The following CHCHD3 variants were observed in gnomAD, a reference collection of about 807,000 sequenced individuals.
CHCHD3 encodes the protein MICOS complex subunit MIC19.
A neutral mutation model predicts 38.2 loss-of-function variants in CHCHD3; 20 were observed. The ratio of observed to expected loss-of-function variants is 0.52; its 90% CI spans 0.37 to 0.76. CHCHD3 has a LOEUF of 0.76. Among genes scored for constraint, CHCHD3 ranks in the 30% least tolerant of loss-of-function variants. The pLI, the probability that CHCHD3 is intolerant of heterozygous loss-of-function variation, is 0.00. For missense variants in CHCHD3, 245 were observed against 279.2 expected, an observed-to-expected ratio of 0.88 and a Z score of 0.87; for synonymous variants, 82 against 100.0, an observed-to-expected ratio of 0.82 and a Z score of 1.07.
At chr7:133,008,553 A>G (rs1812768581) in intron 3 of CHCHD3, among the ~76,000 whole-genome samples, 1 of 152,232 alleles carries the variant, frequency 6.6e-6, no homozygotes, top group South Asian at 2.1e-4. Flanking sequence ...AACATCTCAA[A>G]GTCTTACAAT....
intron 3 of CHCHD3, among the ~76,000 whole-genome samples, chr7:133,015,126 G>A (rs896034208): frequency 2.6e-5 from 4 of 152,206 alleles, no homozygotes; most frequent in Non-Finnish European, 4.4e-5. Flanking sequence ...TGGATCACTC[G>A]AGGTCAGGAG....
intron 6 of CHCHD3, among the ~76,000 whole-genome samples, chr7:132,816,868 A>C (rs1163146408): frequency 1.3e-5 from 2 of 152,242 alleles, no homozygotes; most frequent in African/African-American, 4.8e-5. Context: ...CATTTGCACA[A>C]AGGATTTCCC....
At chr7:133,075,513 A>G (rs1814959442) in intron 1 of CHCHD3, among the ~76,000 whole-genome samples, 2 of 152,138 alleles carry the variant, frequency 1.3e-5, no homozygotes, top group Admixed American at 1.3e-4. Context: ...TTGTGTTATC[A>G]TCTGTATCCA....
rs560168815 is a variant in CHCHD3 at position 132,938,738 on chromosome 7, C to A, written c.369+36431G>T. On this transcript the variant is annotated intron_variant, in intron 4 of 7. Transcript: ENST00000262570. ...TTAAACCTGCAGTGTGTCCCCGACA[C>A]CGGCAACAAGCAAACAGGAAAGGAG... is the stretch of plus-strand genomic sequence containing the variant. Among the ~76,000 whole-genome samples the A allele has an allele frequency of 1.5e-4, 23 of 152,232 alleles. 1 individual carries two copies. Among genetic ancestry groups the A allele is most frequent in the African/African-American group, 5.5e-4 (23 of 41,540 alleles).
intron 2 of CHCHD3, among the ~76,000 whole-genome samples, chr7:133,034,318 G>C (rs1703180949): frequency 6.6e-6 from 1 of 151,988 alleles, no homozygotes; most frequent in African/African-American, 2.4e-5. Context: ...AAGGAAGTGA[G>C]GGTATAATAA....
chr7:132,810,355 A>C (rs1038430009), intron 6 of CHCHD3, among the ~76,000 whole-genome samples: 4 of 152,218 alleles, frequency 2.6e-5, no homozygotes, highest in Non-Finnish European at 5.9e-5. Flanking sequence ...GTAACTCTGT[A>C]ATTTGAAAAT....
rs1369420974 is a variant in CHCHD3 at position 132,821,837 on chromosome 7, A to G, written c.524+16562T>C. On this transcript the variant is annotated intron_variant, in intron 6 of 7. Transcript: ENST00000262570. ...GACTGCAGTGGCGCAATCTCGGCTC[A>G]CTGCAAGCTCCGCTTCCCGGGTTCA... 3.6e-5 allele frequency among the ~76,000 whole-genome samples: 5 copies of G among 137,322 alleles called. No homozygotes were observed. The East Asian group carries it at 1.0e-3, about 29-fold the overall frequency. 90.1% of individuals were successfully genotyped at this position (137,322 alleles called of 152,430 possible).
At chr7:132,813,924 C>T (rs979236287) in intron 6 of CHCHD3, among the ~76,000 whole-genome samples, 1 of 152,168 alleles carries the variant, frequency 6.6e-6, no homozygotes, top group African/African-American at 2.4e-5. Flanking sequence ...AGTACGTGCT[C>T]ACGGGGAGCA....
intron 2 of CHCHD3, among the ~76,000 whole-genome samples, chr7:133,032,769 G>A (rs182606687): frequency 1.2e-4 from 19 of 152,152 alleles, no homozygotes; most frequent in African/African-American, 4.6e-4. Flanking sequence ...CTGAATAATA[G>A]TTGCAAGATC....
At chr7:132,905,014 A>G (rs753655009) in intron 4 of CHCHD3, among the ~76,000 whole-genome samples, 2 of 142,462 alleles carry the variant, frequency 1.4e-5, no homozygotes, top group Non-Finnish European at 3.0e-5. Flanking sequence ...CAAACACTGC[A>G]TGTTCTCATT....
rs57262694 is a variant in CHCHD3, at chr7:132,824,314, C to CTTTTTTTTTTTTTTTTTTT, written c.524+14066_524+14084dup. On this transcript the variant is annotated intron_variant, in intron 6 of 7. Coordinates refer to ENST00000262570, the MANE Select transcript of CHCHD3 (RefSeq NM_017812.4). ...AAAAATATTCCCAAGTAGTAGAACT[C>CTTTTTTTTTTTTTTTTTTT]TTTTTTTTTTTTTTTTTTTTTTGAG... is the stretch of plus-strand genomic sequence containing the variant. Among the ~76,000 whole-genome samples, 7 of 90,132 alleles carry CTTTTTTTTTTTTTTTTTTT rather than the reference C, an allele frequency of 7.8e-5. 1 individual carries two copies. Among genetic ancestry groups the CTTTTTTTTTTTTTTTTTTT allele is most frequent in the Non-Finnish European group, 1.0e-4 (5 of 48,266 alleles). The allele number at this position is 90,132 out of a possible 152,430, so 59.1% of individuals were successfully genotyped here.
chr7:132,910,826 C>T (rs1340068291), intron 4 of CHCHD3, among the ~76,000 whole-genome samples: 1 of 152,176 alleles, frequency 6.6e-6, no homozygotes, highest in Non-Finnish European at 1.5e-5. Flanking sequence ...CTGACCCTAC[C>T]GAGTCTGAGT....
intron 4 of CHCHD3, among the ~76,000 whole-genome samples, chr7:132,912,121 C>T (rs1809967604): frequency 6.6e-6 from 1 of 152,178 alleles, no homozygotes; most frequent in Non-Finnish European, 1.5e-5. Context: ...ACCTTCAGGA[C>T]TTTTGTTATA....
chr7:132,860,362 G>T (rs968012675), intron 5 of CHCHD3, among the ~76,000 whole-genome samples: 1 of 151,566 alleles, frequency 6.6e-6, no homozygotes, highest in Non-Finnish European at 1.5e-5. Context: ...TTTTTTGTTT[G>T]TTTCAATGAA....
At chr7:132,882,527 G>A (rs190405593) in intron 5 of CHCHD3, among the ~76,000 whole-genome samples, 78 of 148,868 alleles carry the variant, frequency 5.2e-4, no homozygotes, top group African/African-American at 1.4e-3. Context: ...TTATCATATC[G>A]TGTCTATCTA....
intron 5 of CHCHD3, among the ~76,000 whole-genome samples, chr7:132,846,562 T>G (rs1368625310): frequency 6.6e-6 from 1 of 152,260 alleles, no homozygotes; most frequent in East Asian, 1.9e-4. Flanking sequence ...CAACATGTAT[T>G]TCTGTGTGGT....
intron 3 of CHCHD3, among the ~76,000 whole-genome samples, chr7:132,999,884 A>G (rs888762043): frequency 3.3e-5 from 5 of 152,168 alleles, no homozygotes; most frequent in African/African-American, 1.2e-4. Flanking sequence ...AGCATTGATT[A>G]AAGTATTTAT....
At chr7:132,799,197 T>C (rs939366985) in intron 6 of CHCHD3, among the ~76,000 whole-genome samples, 1 of 152,176 alleles carries the variant, frequency 6.6e-6, no homozygotes, top group Non-Finnish European at 1.5e-5. Context: ...GATTAATCTG[T>C]AAGGGTAAAG....
chr7:132,842,912 C>T (rs1158690778), intron 5 of CHCHD3, among the ~76,000 whole-genome samples: 2 of 152,150 alleles, frequency 1.3e-5, no homozygotes, highest in African/African-American at 2.4e-5. Context: ...GCAGGAGATA[C>T]TTTGAGACTA....
Sources: allele counts gnomAD v4.1 joint callset (sites outside exome capture counted in the v4.1 genomes callset), GRCh38; gene constraint gnomAD v4.1.1; transcripts MANE v1.5; gene names NCBI Gene and HGNC (gene_info 2026-07-23, HGNC 2026-07-21).